Variants in TK1 observed in about 807,000 individuals in gnomAD.
The protein encoded by TK1 is thymidine kinase 1, also known as thymidine kinase, cytosolic.
In TK1, 13 loss-of-function variants were observed where a neutral mutation model predicts 22.4. The observed-to-expected ratio is 0.58, with a 90% CI of 0.38 to 0.92. TK1 has a LOEUF of 0.92. Ranked by LOEUF, TK1 falls within the 40% of genes least tolerant of loss-of-function variation. The pLI, the probability that TK1 is intolerant of heterozygous loss-of-function variation, is 0.00. For synonymous variants in TK1, 134 were observed against 125.4 expected, an observed-to-expected ratio of 1.07 and a Z score of -0.46; for missense variants, 251 against 315.7, an observed-to-expected ratio of 0.80 and a Z score of 1.55.
chr17:78,174,649 G>A lies in TK1; in HGVS notation c.*110C>T, dbSNP rs960147348. The A allele has an allele frequency of 1.7e-4, 217 of 1,275,762 alleles. No homozygotes were observed. Among genetic ancestry groups the A allele is most frequent in the Admixed American group, 3.0e-4 (11 of 36,646 alleles). The allele number at this position is 1,275,762 out of a possible 1,614,324, so 79.0% of individuals were successfully genotyped here. On this transcript the variant is annotated 3_prime_UTR_variant, in exon 7 of 7. Coordinates refer to ENST00000301634, the MANE Select transcript of TK1 (RefSeq NM_003258.5). Reference sequence around the variant, plus strand: ...GAGAGTTCCCAGAAGGCCAAGGTGTGGTCACCCTCCACGCCTCCCGACTTC... The same window carrying A: ...GAGAGTTCCCAGAAGGCCAAGGTGTAGTCACCCTCCACGCCTCCCGACTTC...
intron 2 of TK1, 106 bp from the exon 3 acceptor site, chr17:78,185,271 C>A: frequency 1.3e-6 from 1 of 767,272 alleles, no homozygotes; most frequent in Non-Finnish European, 2.3e-6. Context: ...GGTATGCAGA[C>A]TGAGCCCACC....
chr17:78,179,119 CA>C lies in TK1; in HGVS notation c.303+3469del, dbSNP rs201318190. 972 of 980,152 alleles carry C rather than the reference CA, an allele frequency of 9.9e-4. 13 individuals are homozygous for C. The East Asian group carries it at 0.015, about 15-fold the overall frequency. 60.7% of individuals were successfully genotyped at this position (980,152 alleles called of 1,614,324 possible). A position where few individuals can be genotyped will look rare whatever the true frequency, so the allele number is the denominator to read the frequency against. ...CTCGGGGGTCTGGGTCAGCCTCTGT[CA>C]ACAAGGTTTACGCAGAGCCAGGAGA... On this transcript the variant is annotated intron_variant, in intron 4 of 6. Transcript: ENST00000301634.
In TK1 at chr17:78,182,667, T is replaced by C. The variant is rs1143697; in HGVS notation, c.225A>G (p.Ala75=). Residue 75 remains alanine, a synonymous_variant, in exon 4 of 7, where the codon GCA becomes GCG. Transcript: ENST00000301634. ...FCTHDRNTME[A]LPACLLRDVA... ...CGTCTCGGAGCAGGCAGGCGGGCAG[T>C]GCCTCCATGGTGTTCCTGGGAAGAG... The C allele has an allele frequency of 0.5, 787,683 of 1,578,540 alleles. 206,108 individuals carry two copies. The highest frequency in any genetic ancestry group is 0.83 in the African/African-American group (61,791 of 74,350).
At position 78,185,135 on chromosome 17, in the gene TK1, G is replaced by A. The variant is rs375481402; in HGVS notation, c.129C>T (p.Phe43=). 24 of 1,611,998 alleles carry A rather than the reference G, an allele frequency of 1.5e-5. 1 individual carries two copies. The highest frequency in any genetic ancestry group is 1.6e-4 in the Middle Eastern group (1 of 6,084). ...CCAGGCACTTGTACTGAGCAATCTG[G>A]AAGCGACGGACGCGTCTCATCAACT... The part of the protein sequence containing the change: ...STELMRRVRR[F]QIAQYKCLVI... Residue 43 remains phenylalanine, a synonymous_variant, in exon 3 of 7, where the codon TTC becomes TTT. Coordinates refer to ENST00000301634, the MANE Select transcript of TK1 (RefSeq NM_003258.5).
At chr17:78,179,392 C>T (rs1248950840) in intron 4 of TK1, 1 of 985,242 alleles carries the variant, frequency 1.0e-6, no homozygotes, top group African/African-American at 1.7e-5. Flanking sequence ...TACGCAGAGG[C>T]ATGGGGGTGC....
intron 5 of TK1, 43 bp from the exon 6 acceptor site, chr17:78,175,212 C>G: frequency 6.4e-7 from 1 of 1,559,122 alleles, no homozygotes; most frequent in Non-Finnish European, 8.6e-7. Flanking sequence ...GCCACCTTAC[C>G]AGGTGGGTTT....
At position 78,175,104 on chromosome 17, in the gene TK1, G is replaced by A; in HGVS notation, c.459C>T (p.Cys153=). ...AESVVKLTAV[C]MECFREAAYT... ...AGGCGGCTTCCCGGAAGCACTCCAT[G>A]CACACCGCCGTCAGCTTCACCACGC... Residue 153 remains cysteine (C), a synonymous_variant, in exon 6 of 7, where the codon TGC becomes TGT. Transcript: ENST00000301634. 6.2e-7 allele frequency: 1 copy of A among 1,613,426 alleles called. No individual in the cohort carries two copies. Among genetic ancestry groups the A allele is most frequent in the Non-Finnish European group, 8.5e-7 (1 of 1,179,892 alleles).
At chr17:78,184,972 A>G (rs1222157818) in intron 3 of TK1, 83 bp downstream of exon 3, 2 of 1,031,214 alleles carry the variant, frequency 1.9e-6, no homozygotes, top group East Asian at 2.5e-5. Flanking sequence ...ATGATTAACC[A>G]TCCCCATTAA....
chr17:78,186,561 G>A (rs2075796630), intron 2 of TK1, among the ~76,000 whole-genome samples: 1 of 151,916 alleles, frequency 6.6e-6, no homozygotes, highest in South Asian at 2.1e-4. Flanking sequence ...AGGACGAGGG[G>A]CTTGGCCTGG....
At chr17:78,187,140 C>T (rs1409702574), upstream of TK1, 1 of 1,000,630 alleles carries the variant, frequency 1.0e-6, no homozygotes. Context: ...CAGCGCCCGG[C>T]CGCTGACCTG....
chr17:78,185,712 T>C (rs1197315123), intron 2 of TK1, among the ~76,000 whole-genome samples: 2 of 151,814 alleles, frequency 1.3e-5, no homozygotes, highest in Non-Finnish European at 2.9e-5. Context: ...TTTTTTTCAG[T>C]AGAGATGGGG....
chr17:78,186,877 C>G, intron 1 of TK1, 52 bp downstream of exon 1: 1 of 1,566,796 alleles, frequency 6.4e-7, no homozygotes, highest in Non-Finnish European at 8.6e-7. Context: ...TGGACACAGG[C>G]TATCACCACG....
At chr17:78,176,725 C>T (rs780698354) in intron 4 of TK1, among the ~76,000 whole-genome samples, 14 of 152,196 alleles carry the variant, frequency 9.2e-5, no homozygotes, top group Non-Finnish European at 1.8e-4. Context: ...GCCAGGGGCG[C>T]GCCCCCTGGA....
At chr17:78,179,464 C>T (rs749188297) in intron 4 of TK1, 2 of 985,454 alleles carry the variant, frequency 2.0e-6, no homozygotes, top group Non-Finnish European at 2.4e-6. Flanking sequence ...GAGGAGATGC[C>T]AGCTGCCGGG....
Position 78,174,573 on chromosome 17 carries a change from C to G in TK1, c.*186G>C. 1 of 670,764 alleles carries G rather than the reference C, an allele frequency of 1.5e-6. No individual in the cohort carries two copies. The highest frequency in any genetic ancestry group is 2.0e-5 in the South Asian group (1 of 51,248). 41.6% of individuals were successfully genotyped at this position (670,764 alleles called of 1,614,324 possible). On this transcript the variant is annotated 3_prime_UTR_variant, in exon 7 of 7. Transcript: ENST00000301634. The stretch of plus-strand genomic sequence containing the variant: ...GCTGAGAGGGAAGCTTTAAGCAGAC[C>G]AGTGGGTAGGAGAGGAGGGAGCATG...
At chr17:78,177,451 A>G (rs2075708559) in intron 4 of TK1, among the ~76,000 whole-genome samples, 1 of 152,220 alleles carries the variant, frequency 6.6e-6, no homozygotes, top group South Asian at 2.1e-4. Flanking sequence ...AGGTCTCATT[A>G]TATTATGAAC....
At position 78,185,140 on chromosome 17, in the gene TK1, G is replaced by A. The variant is rs1170634406; in HGVS notation, c.124C>T (p.Arg42Cys). The A allele has an allele frequency of 1.2e-6, 2 of 1,612,018 alleles. No homozygotes were observed. Among genetic ancestry groups the A allele is most frequent in the Non-Finnish European group, 1.7e-6 (2 of 1,179,574 alleles). The part of the protein sequence containing the change: ...KSTELMRRVR[R>C]FQIAQYKCLV... ...CACTTGTACTGAGCAATCTGGAAGC[G>A]ACGGACGCGTCTCATCAACTCTGTG... Residue 42 changes from arginine (R) to cysteine (C), a missense_variant, in exon 3 of 7, where the codon CGC (arginine) becomes TGC (cysteine). By Grantham distance (180) the Arg-to-Cys change is radical (BLOSUM62 -3). Coordinates refer to ENST00000301634, the MANE Select transcript of TK1 (RefSeq NM_003258.5).
chr17:78,185,088 G>T lies in TK1; in HGVS notation c.176C>A (p.Thr59Asn), dbSNP rs925366875. Reference protein sequence around the residue: ...KCLVIKYAKDTRYSSSFCTHD... With the variant: ...KCLVIKYAKDNRYSSSFCTHD... ...TGTGCAGAAGCTGCTGCTGTAGCGA[G>T]TGTCTTTGGCATACTTGATCACCAG... Residue 59 changes from threonine to asparagine, a missense_variant, in exon 3 of 7, where the codon ACT (threonine) becomes AAT (asparagine). Coordinates refer to ENST00000301634, the MANE Select transcript of TK1 (RefSeq NM_003258.5). The T allele has an allele frequency of 2.5e-6, 4 of 1,612,464 alleles. No individual in the cohort carries two copies.
Position 78,174,421 on chromosome 17 carries a change from C to T in TK1, c.*338G>A, listed in dbSNP as rs543274142. Reference sequence around the variant, plus strand: ...AGAACAGAAACTCAGCAGTGAAAGCCGCAGAGGGGAAGAAGCAGGCTGATG... The same window carrying T: ...AGAACAGAAACTCAGCAGTGAAAGCTGCAGAGGGGAAGAAGCAGGCTGATG... On this transcript the variant is annotated 3_prime_UTR_variant, in exon 7 of 7. Transcript: ENST00000301634. The T allele has an allele frequency of 1.7e-5, 5 of 288,700 alleles. No individual in the cohort carries two copies. Among genetic ancestry groups the T allele is most frequent in the East Asian group, 1.5e-4 (2 of 12,944 alleles). 17.9% of individuals were successfully genotyped at this position (288,700 alleles called of 1,614,324 possible). A position where few individuals can be genotyped will look rare whatever the true frequency, so the allele number is the denominator to read the frequency against.
Sources: gnomAD v4.1 joint callset for allele counts (sites outside exome capture counted in the v4.1 genomes callset) on GRCh38, gnomAD v4.1.1 for gene constraint, MANE v1.5 for transcripts, NCBI Gene and HGNC (gene_info 2026-07-23, HGNC 2026-07-21) for gene names.